ADGRL2: variants seen among roughly 807,000 people sequenced by gnomAD.
ADGRL2 encodes adhesion G protein-coupled receptor L2, also known as calcium-independent alpha-latrotoxin receptor 2.
In ADGRL2, 44 loss-of-function variants were observed where a neutral mutation model predicts 157.4. The observed-to-expected ratio is 0.28, with a 90% confidence interval of 0.22 to 0.36. ADGRL2 has a LOEUF of 0.36. ADGRL2 is among the 10% of genes least tolerant of loss of function. The probability of loss-of-function intolerance (pLI) is 1.00; values close to 1 mark genes in which losing one functional copy is unlikely to be tolerated. For missense variants in ADGRL2, 1,510 were observed against 1,768.9 expected (o/e 0.85, Z 2.63); for synonymous variants, 585 against 624.7 (o/e 0.94, Z 0.95).
intron 1 of ADGRL2, among the ~76,000 whole-genome samples, chr1:81,739,978 A>G (rs1557610101): frequency 6.6e-6 from 1 of 152,220 alleles, no homozygotes; most frequent in Non-Finnish European, 1.5e-5. Context: ...TAGAGAAGTG[A>G]TACCAATCCA....
chr1:81,588,459 G>C (rs1482775068), intron 3 of ADGRL2: 2 of 152,158 alleles, frequency 1.3e-5, no homozygotes, highest in East Asian at 3.9e-4. Flanking sequence ...ATAAGATAAA[G>C]ATGAGTAAAT....
chr1:81,517,799 C>G (rs1570357178), intron 2 of ADGRL2, among the ~76,000 whole-genome samples: 1 of 152,158 alleles, frequency 6.6e-6, no homozygotes, highest in Admixed American at 6.6e-5. Context: ...CTGACCATAC[C>G]TCTTTCTTTT....
In ADGRL2 at chr1:81,987,865, C is replaced by G. The variant is rs768207568; in HGVS notation, c.3638-4C>G. On this transcript the variant is annotated splice_region_variant and splice_polypyrimidine_tract_variant and intron_variant, in intron 22 of 23. Transcript: ENST00000686636. Reference sequence around the variant, plus strand: ...TTTTTCACTTTCCTTATGCTTTCCTCTAGCAACCTACAGAGAGACAAGTAT... The same window carrying G: ...TTTTTCACTTTCCTTATGCTTTCCTGTAGCAACCTACAGAGAGACAAGTAT... The G allele has an allele frequency of 3.0e-6, 1 of 337,428 alleles. No homozygotes were observed. The highest frequency in any genetic ancestry group is 2.8e-5 in the South Asian group (1 of 36,080). The allele number at this position is 337,428 out of a possible 1,614,324, so 20.9% of individuals were successfully genotyped here.
chr1:81,373,307 G>A (rs907037112), intron 1 of ADGRL2, among the ~76,000 whole-genome samples: 19 of 152,148 alleles, frequency 1.2e-4, no homozygotes, highest in African/African-American at 4.6e-4. Context: ...AAAACCCTAA[G>A]CAGGATGAGC....
chr1:81,919,862 T>C (rs1157026672), intron 3 of ADGRL2, among the ~76,000 whole-genome samples: 3 of 152,184 alleles, frequency 2.0e-5, no homozygotes, highest in Admixed American at 6.6e-5. Context: ...AATAAGTTGG[T>C]TCAAGGCACT....
chr1:81,709,315 C>T (rs546653951), intron 1 of ADGRL2, among the ~76,000 whole-genome samples: 2 of 152,182 alleles, frequency 1.3e-5, no homozygotes, highest in East Asian at 3.9e-4. Flanking sequence ...AATTAGAGAG[C>T]TTTAGCTCTT....
chr1:81,449,718 T>G (rs1401272263), intron 2 of ADGRL2, among the ~76,000 whole-genome samples: 1 of 152,206 alleles, frequency 6.6e-6, no homozygotes, highest in African/African-American at 2.4e-5. Context: ...CCTTCCACCT[T>G]AGCCTCCCGA....
At chr1:81,985,163 A>G (rs1401534162) in intron 20 of ADGRL2, 96 bp from the exon 21 acceptor site, 2 of 618,072 alleles carry the variant, frequency 3.2e-6, no homozygotes, top group Non-Finnish European at 5.7e-6. Context: ...AGATAATCCT[A>G]CATAGGTTGT....
At chr1:81,629,583 C>T (rs1227171614) in intron 3 of ADGRL2, among the ~76,000 whole-genome samples, 1 of 152,024 alleles carries the variant, frequency 6.6e-6, no homozygotes, top group African/African-American at 2.4e-5. Context: ...ATATGCACTA[C>T]TGTTTCCTTA....
chr1:81,500,032 T>C (rs1234597120), intron 2 of ADGRL2, among the ~76,000 whole-genome samples: 2 of 152,186 alleles, frequency 1.3e-5, no homozygotes, highest in Non-Finnish European at 2.9e-5. Context: ...CTTAACTCAG[T>C]GTCAGTCACT....
intron 3 of ADGRL2, among the ~76,000 whole-genome samples, chr1:81,629,473 A>C (rs1398995423): frequency 6.6e-6 from 1 of 152,168 alleles, no homozygotes; most frequent in African/African-American, 2.4e-5. Flanking sequence ...AAAAAAAATG[A>C]ATAGAACAGA....
chr1:81,676,748 G>A (rs770761937), intron 3 of ADGRL2, among the ~76,000 whole-genome samples: 29 of 148,946 alleles, frequency 1.9e-4, no homozygotes, highest in East Asian at 6.1e-4. Context: ...GTGCAGTGGC[G>A]CGTTCTCAGC....
At chr1:81,503,333 T>C (rs1017882407) in intron 2 of ADGRL2, 1 of 1,614,096 alleles carries the variant, frequency 6.2e-7, no homozygotes, top group Non-Finnish European at 8.5e-7. Flanking sequence ...AAGCCTGTGG[T>C]CCACCTCATC....
At chr1:81,684,258 G>T (rs2083184165) in intron 3 of ADGRL2, among the ~76,000 whole-genome samples, 1 of 152,162 alleles carries the variant, frequency 6.6e-6, no homozygotes, top group African/African-American at 2.4e-5. Flanking sequence ...CAGCAGTGTA[G>T]AAGTGTTCCC....
chr1:81,319,095 C>T (rs1389188949), intron 1 of ADGRL2, among the ~76,000 whole-genome samples: 1 of 151,516 alleles, frequency 6.6e-6, no homozygotes, highest in Non-Finnish European at 1.5e-5. Flanking sequence ...GCATGCACCA[C>T]CACCCCGGCT....
intron 1 of ADGRL2, among the ~76,000 whole-genome samples, chr1:81,405,954 A>T (rs577312121): frequency 1.3e-5 from 2 of 152,324 alleles, no homozygotes; most frequent in South Asian, 4.1e-4. Flanking sequence ...GATTATAATT[A>T]ATCTGAGGTT....
At chr1:81,804,085 A>C (rs996435891) in intron 1 of ADGRL2, among the ~76,000 whole-genome samples, 1 of 152,236 alleles carries the variant, frequency 6.6e-6, no homozygotes, top group African/African-American at 2.4e-5. Context: ...CTGTGGCAAC[A>C]TTCCAACTTG....
chr1:81,869,225 C>T (rs572026982), intron 2 of ADGRL2, among the ~76,000 whole-genome samples: 58 of 151,954 alleles, frequency 3.8e-4, no homozygotes, highest in Non-Finnish European at 8.8e-5. Flanking sequence ...GGGTCCTTTT[C>T]GAGGTCTTTT....
At chr1:81,864,716 C>G (rs762377993) in intron 2 of ADGRL2, among the ~76,000 whole-genome samples, 1 of 152,076 alleles carries the variant, frequency 6.6e-6, no homozygotes, top group Non-Finnish European at 1.5e-5. Context: ...AATCCCAGCA[C>G]TTTGGGAGGC....
Sources: allele counts gnomAD v4.1 joint callset (sites outside exome capture counted in the v4.1 genomes callset), GRCh38; gene constraint gnomAD v4.1.1; transcripts MANE v1.5; gene names NCBI Gene and HGNC (gene_info 2026-07-23, HGNC 2026-07-21).